ISY1: variants seen among roughly 807,000 people sequenced by gnomAD.
ISY1 encodes the protein ISY1 spliceosome associated protein.
ISY1 carries 12 observed loss-of-function variants against 54.4 expected under a neutral mutation model. That is an observed-to-expected ratio of 0.22 (90% CI 0.14 to 0.36). The LOEUF is 0.36. Among genes scored for constraint, ISY1 ranks in the 10% least tolerant of loss-of-function variants. The probability of loss-of-function intolerance (pLI) is 1.00; values close to 1 mark genes in which losing one functional copy is unlikely to be tolerated. For synonymous variants in ISY1, 96 were observed against 117.9 expected, an observed-to-expected ratio of 0.81 and a Z score of 1.20; for missense variants, 282 against 342.2, an observed-to-expected ratio of 0.82 and a Z score of 1.39.
At chr3:129,141,544 G>A (rs991017267) in intron 6 of ISY1, among the ~76,000 whole-genome samples, 3 of 151,852 alleles carry the variant, frequency 2.0e-5, no homozygotes, top group Non-Finnish European at 4.4e-5. Flanking sequence ...CACGAGGTCA[G>A]GAGACCGAGA....
chr3:129,131,895 T>C (rs1936246580), intron 9 of ISY1, among the ~76,000 whole-genome samples: 1 of 152,138 alleles, frequency 6.6e-6, no homozygotes, highest in Non-Finnish European at 1.5e-5. Context: ...AGTGGTGCAA[T>C]CACAGCTCAC....
At chr3:129,156,778 T>C (rs1472009066) in intron 4 of ISY1, 77 bp downstream of exon 4, 3 of 1,577,108 alleles carry the variant, frequency 1.9e-6, no homozygotes, top group Non-Finnish European at 2.6e-6. Context: ...AGACTTTTGG[T>C]CTAACAGTCA....
intron 6 of ISY1, among the ~76,000 whole-genome samples, chr3:129,141,452 C>CA (rs1324801909): frequency 6.6e-6 from 1 of 150,542 alleles, no homozygotes; most frequent in Non-Finnish European, 1.5e-5. Flanking sequence ...GACCCTGTCT[C>CA]AAAAAAAATA....
intron 6 of ISY1, among the ~76,000 whole-genome samples, chr3:129,145,156 C>G (rs931856090): frequency 2.0e-5 from 3 of 152,090 alleles, no homozygotes; most frequent in African/African-American, 7.2e-5. Context: ...AGGGCTTATC[C>G]TGTCTCAGCC....
At chr3:129,160,926 G>T (rs745437628) in intron 1 of ISY1, 47 bp downstream of exon 1, 44 of 516,080 alleles carry the variant, frequency 8.5e-5, no homozygotes, top group Middle Eastern at 4.6e-4. Context: ...GCGCCCCCCC[G>T]CCCGCCCGCC....
At chr3:129,156,997 T>G in intron 3 of ISY1, 77 bp from the exon 4 acceptor site, 2 of 1,506,242 alleles carry the variant, frequency 1.3e-6, no homozygotes, top group Non-Finnish European at 1.8e-6. Flanking sequence ...ATTCAGGCCT[T>G]AAGCCTAAAT....
intron 7 of ISY1, among the ~76,000 whole-genome samples, chr3:129,139,724 C>T (rs1203914429): frequency 2.0e-5 from 3 of 151,920 alleles, no homozygotes; most frequent in Non-Finnish European, 4.4e-5. Context: ...CTCACCGCAA[C>T]CTCCACCCCT....
intron 1 of ISY1, 145 bp from the exon 2 acceptor site, chr3:129,159,321 C>G: frequency 9.2e-7 from 1 of 1,081,572 alleles, no homozygotes; most frequent in Non-Finnish European, 1.3e-6. Flanking sequence ...AAACAAAAAT[C>G]AAAAGATGTC....
chr3:129,156,932 A>G lies in ISY1; in HGVS notation c.79-12T>C, dbSNP rs1318691206. On this transcript the variant is annotated splice_polypyrimidine_tract_variant and intron_variant, in intron 3 of 10. Coordinates refer to ENST00000393295, the MANE Select transcript of ISY1 (RefSeq NM_020701.4). Reference sequence around the variant, plus strand: ...AAGGGTCTTCGTTCCTAAGGAGAAAAAAATAACACATTTCCATTATACTAT... The same window carrying G: ...AAGGGTCTTCGTTCCTAAGGAGAAAGAAATAACACATTTCCATTATACTAT... 1 of 1,613,630 alleles carries G rather than the reference A, an allele frequency of 6.2e-7. No individual in the cohort carries two copies.
Position 129,134,079 on chromosome 3 carries a change from C to T in ISY1, c.658G>A (p.Glu220Lys). Residue 220 changes from glutamate (E) to lysine (K), a missense_variant, in exon 9 of 11, where the codon GAG becomes AAG. Around this residue, in one of 2 missense-constraint regions of ISY1, gnomAD observed 279 missense variants for 323.6 expected, o/e 0.86. Coordinates refer to ENST00000393295, the MANE Select transcript of ISY1 (RefSeq NM_020701.4). ...EEINIYAVTE[E>K]ESDEEGSQEK... Reference sequence around the variant, plus strand: ...GAGGGGGCCAACCCCAATACCTCCTCCTCGGTGACTGCATAGATGTTGATC... The same window carrying T: ...GAGGGGGCCAACCCCAATACCTCCTTCTCGGTGACTGCATAGATGTTGATC... 1 of 1,614,200 alleles carries T rather than the reference C, an allele frequency of 6.2e-7. No individual in the cohort carries two copies. The highest frequency in any genetic ancestry group is 1.1e-5 in the South Asian group (1 of 91,074).
At chr3:129,145,541 C>G (rs979983445) in intron 6 of ISY1, among the ~76,000 whole-genome samples, 1 of 151,996 alleles carries the variant, frequency 6.6e-6, no homozygotes, top group African/African-American at 2.4e-5. Context: ...ATTTTAAACA[C>G]GAGGCCGAGA....
intron 7 of ISY1, among the ~76,000 whole-genome samples, chr3:129,138,973 T>C (rs896291442): frequency 6.6e-6 from 1 of 151,776 alleles, no homozygotes; most frequent in African/African-American, 2.4e-5. Context: ...CCTGCTCTGC[T>C]GCCCAGGCTG....
chr3:129,142,608 T>C (rs569789318), intron 6 of ISY1, among the ~76,000 whole-genome samples: 61 of 152,320 alleles, frequency 4.0e-4, no homozygotes, highest in African/African-American at 1.5e-3. Flanking sequence ...TAAAAAACAT[T>C]TTTTTAAATC....
At position 129,130,568 on chromosome 3, in the gene ISY1, A is replaced by G. The variant is rs1369214758; in HGVS notation, c.732T>C (p.Pro244=). Residue 244 remains proline, a synonymous_variant, in exon 10 of 11, where the codon CCT becomes CCC. Coordinates refer to ENST00000393295, the MANE Select transcript of ISY1 (RefSeq NM_020701.4). ...DSQQKFIAHV[P]VPSQQEIEEA... is the part of the protein sequence containing the mutation. ...GTCCTACCTCTTGCTGCGAGGGAAC[A>G]GGGACGTGAGCAATGAACTTCTGCT... 4 of 1,614,146 alleles carry G rather than the reference A, an allele frequency of 2.5e-6. No individual in the cohort carries two copies. The highest frequency in any genetic ancestry group is 3.4e-6 in the Non-Finnish European group (4 of 1,180,000).
At chr3:129,156,781 A>G in intron 4 of ISY1, 74 bp downstream of exon 4, 1 of 1,581,528 alleles carries the variant, frequency 6.3e-7, no homozygotes, top group Non-Finnish European at 8.6e-7. Context: ...CTTTTGGTCT[A>G]ACAGTCATTT....
At chr3:129,149,347 T>C (rs1936865063) in intron 5 of ISY1, among the ~76,000 whole-genome samples, 1 of 146,228 alleles carries the variant, frequency 6.8e-6, no homozygotes, top group Non-Finnish European at 1.5e-5. Flanking sequence ...GAGAATCACT[T>C]GTACCCGGGA....
rs148468736 is a variant in ISY1, at chr3:129,136,665, G to A, written c.419-1711C>T. Among the ~76,000 whole-genome samples, 83 of 148,170 alleles carry A rather than the reference G, an allele frequency of 5.6e-4. 1 individual carries two copies. The East Asian group carries it at 0.011, about 19-fold the overall frequency. Reference sequence around the variant, plus strand: ...ATTACAGGCACGCACCACCACGCCCGGCTAATTTTGTATTTTCTTCTTCTT... The same window carrying A: ...ATTACAGGCACGCACCACCACGCCCAGCTAATTTTGTATTTTCTTCTTCTT... On this transcript the variant is annotated intron_variant, in intron 7 of 10. Transcript: ENST00000393295.
intron 7 of ISY1, among the ~76,000 whole-genome samples, chr3:129,136,591 C>G (rs2107603235): frequency 6.6e-6 from 1 of 152,034 alleles, no homozygotes; most frequent in Middle Eastern, 3.4e-3. Flanking sequence ...ACAACCTCCG[C>G]CTCCTGGGTT....
At chr3:129,140,104 C>T (rs1269261316) in intron 7 of ISY1, among the ~76,000 whole-genome samples, 1 of 152,224 alleles carries the variant, frequency 6.6e-6, no homozygotes, top group Admixed American at 6.5e-5. Context: ...AACTCCTTGT[C>T]CAGACTGACA....
Sources: gnomAD v4.1 joint callset for allele counts (sites outside exome capture counted in the v4.1 genomes callset) on GRCh38, gnomAD v4.1.1 for gene constraint, gnomAD v4.1.1 regional missense constraint, MANE v1.5 for transcripts, NCBI Gene and HGNC (gene_info 2026-07-23, HGNC 2026-07-21) for gene names.